TP63: variants seen among roughly 807,000 people sequenced by gnomAD.
The protein encoded by TP63 is tumor protein p63.
TP63 carries 17 observed loss-of-function variants against 82.8 expected under a neutral mutation model. That is an observed-to-expected ratio of 0.21 (90% CI 0.14 to 0.31). The LOEUF (loss-of-function observed/expected upper bound fraction) is 0.31. Among genes scored for constraint, TP63 ranks in the 10% least tolerant of loss-of-function variants. TP63 has a pLI of 1.00. For synonymous variants in TP63, 330 were observed against 321.7 expected (o/e 1.03, Z -0.28); for missense variants, 648 against 895.3 (o/e 0.72, Z 3.52).
intron 4 of TP63, among the ~76,000 whole-genome samples, chr3:189,858,007 G>A (rs923759018): frequency 1.6e-4 from 25 of 152,196 alleles, no homozygotes; most frequent in African/African-American, 5.8e-4. Context: ...AATAAAATCA[G>A]TATGTCAGAG....
intron 4 of TP63, among the ~76,000 whole-genome samples, chr3:189,841,197 A>T (rs1392312541): frequency 6.6e-6 from 1 of 152,188 alleles, no homozygotes; most frequent in African/African-American, 2.4e-5. Flanking sequence ...TTTAAAGTTA[A>T]AACCTAGATT....
intron 3 of TP63, among the ~76,000 whole-genome samples, chr3:189,774,126 G>T (rs62279934): frequency 0.079 from 11,986 of 151,906 alleles, 534 homozygotes; most frequent in Admixed American, 0.11. Flanking sequence ...GTTTCACCGT[G>T]TTAGCCAGGA....
chr3:189,703,815 T>G (rs1401878321), intron 1 of TP63, among the ~76,000 whole-genome samples: 4 of 152,142 alleles, frequency 2.6e-5, no homozygotes, highest in Non-Finnish European at 5.9e-5. Flanking sequence ...TTCAGAGTTA[T>G]ACAGTGAGTT....
At position 189,768,569 on chromosome 3, in the gene TP63, A is replaced by G. The variant is rs373774474; in HGVS notation, c.324+29795A>G. Among the ~76,000 whole-genome samples the G allele has an allele frequency of 1.4e-3, 218 of 152,272 alleles. 1 individual carries two copies. Among genetic ancestry groups the G allele is most frequent in the African/African-American group, 5.1e-3 (212 of 41,560 alleles). On this transcript the variant is annotated intron_variant, in intron 3 of 13. Coordinates refer to ENST00000264731, the MANE Select transcript of TP63 (RefSeq NM_003722.5). Reference sequence around the variant, plus strand: ...ATAGTAAGAAAATATTTTAAAGTCAACACACTATTATTAAACAATTGCTTA... The same window carrying G: ...ATAGTAAGAAAATATTTTAAAGTCAGCACACTATTATTAAACAATTGCTTA...
chr3:189,740,520 A>G (rs1425811282), intron 3 of TP63, among the ~76,000 whole-genome samples: 1 of 143,876 alleles, frequency 7.0e-6, no homozygotes, highest in African/African-American at 2.8e-5. Flanking sequence ...TTTTTTTATG[A>G]GCAGGGTCTC....
intron 6 of TP63, 39 bp downstream of exon 6, chr3:189,866,836 A>C: frequency 1.3e-6 from 2 of 1,516,458 alleles, no homozygotes; most frequent in Non-Finnish European, 9.2e-7. Context: ...CAACACCTCT[A>C]TGGACTGAGT....
chr3:189,839,741 C>G (rs902687157), intron 4 of TP63, among the ~76,000 whole-genome samples: 7 of 152,186 alleles, frequency 4.6e-5, no homozygotes, highest in Non-Finnish European at 1.5e-5. Flanking sequence ...CTGGACCAAG[C>G]ACTGTACCCT....
chr3:189,883,567 A>G (rs1720147827), intron 10 of TP63, among the ~76,000 whole-genome samples: 1 of 152,196 alleles, frequency 6.6e-6, no homozygotes, highest in African/African-American at 2.4e-5. Context: ...CAGTGAAAGA[A>G]GCTAAGAAGC....
intron 3 of TP63, among the ~76,000 whole-genome samples, chr3:189,785,880 T>G (rs969578388): frequency 6.6e-6 from 1 of 152,006 alleles, no homozygotes; most frequent in Non-Finnish European, 1.5e-5. Context: ...GTATGTTCCT[T>G]TTTTGCCCTC....
At chr3:189,742,132 A>C (rs1721030927) in intron 3 of TP63, among the ~76,000 whole-genome samples, 1 of 138,344 alleles carries the variant, frequency 7.2e-6, no homozygotes, top group Admixed American at 7.1e-5. Flanking sequence ...AGTCCCAGCT[A>C]CTCAGGAGGC....
chr3:189,854,405 G>A (rs1406331134), intron 4 of TP63, among the ~76,000 whole-genome samples: 1 of 151,892 alleles, frequency 6.6e-6, no homozygotes, highest in Non-Finnish European at 1.5e-5. Context: ...TAATTTTTTT[G>A]TATTTTTAGT....
intron 4 of TP63, among the ~76,000 whole-genome samples, chr3:189,811,295 G>A (rs533576162): frequency 6.6e-5 from 10 of 152,232 alleles, no homozygotes; most frequent in African/African-American, 9.6e-5. Flanking sequence ...GCTTTGGTTC[G>A]CATCGATATA....
intron 3 of TP63, among the ~76,000 whole-genome samples, chr3:189,757,806 C>G (rs1184624864): frequency 6.6e-6 from 1 of 152,110 alleles, no homozygotes; most frequent in African/African-American, 2.4e-5. Flanking sequence ...CACTATTTCA[C>G]TCAAATAATA....
chr3:189,836,151 A>T (rs1713121508), intron 4 of TP63, among the ~76,000 whole-genome samples: 1 of 152,120 alleles, frequency 6.6e-6, no homozygotes, highest in Non-Finnish European at 1.5e-5. Flanking sequence ...CATTCAGGAA[A>T]CTGTTAATTT....
chr3:189,696,939 A>G (rs1717423418), intron 1 of TP63, among the ~76,000 whole-genome samples: 1 of 152,048 alleles, frequency 6.6e-6, no homozygotes, highest in Admixed American at 6.6e-5. Flanking sequence ...TAAGCCCTTT[A>G]TCAGATATGT....
chr3:189,773,189 A>G (rs549421671), intron 3 of TP63, among the ~76,000 whole-genome samples: 1 of 152,322 alleles, frequency 6.6e-6, no homozygotes, highest in South Asian at 2.1e-4. Context: ...TTTGGATCTG[A>G]AAAAAGAAAC....
At chr3:189,690,130 G>T (rs1364259693) in intron 1 of TP63, among the ~76,000 whole-genome samples, 1 of 151,950 alleles carries the variant, frequency 6.6e-6, no homozygotes, top group Admixed American at 6.6e-5. Flanking sequence ...GGGAAAAATC[G>T]CTTTTTCTTT....
chr3:189,602,563 G>T, the TP63 span, among the ~76,000 whole-genome samples: 5 of 152,192 alleles, frequency 3.3e-5, no homozygotes, highest in Non-Finnish European at 5.9e-5. Context: ...AAGTGGAGCA[G>T]ATGGCTACAG....
intron 1 of TP63, among the ~76,000 whole-genome samples, chr3:189,695,508 G>T (rs1379323204): frequency 1.3e-5 from 2 of 152,150 alleles, no homozygotes; most frequent in African/African-American, 2.4e-5. Flanking sequence ...CAAGAACTGG[G>T]CATTAGGTTT....
Sources: gnomAD v4.1 joint callset for allele counts (sites outside exome capture counted in the v4.1 genomes callset) on GRCh38, gnomAD v4.1.1 for gene constraint, MANE v1.5 for transcripts, NCBI Gene and HGNC (gene_info 2026-07-23, HGNC 2026-07-21) for gene names.